WDR90: variants seen among roughly 807,000 people sequenced by gnomAD.
WDR90 encodes the protein WD repeat-containing protein 90.
In WDR90, 238 loss-of-function variants were observed where a neutral mutation model predicts 195.2. That is an observed-to-expected ratio of 1.22 (90% confidence interval 1.10 to 1.36). WDR90 has a LOEUF of 1.36. WDR90 is among the 40% of genes most tolerant of loss of function. The probability of loss-of-function intolerance (pLI) is 0.00; values close to 1 mark genes in which losing one functional copy is unlikely to be tolerated. For missense variants in WDR90, 2,734 were observed against 2,439.5 expected, an observed-to-expected ratio of 1.12 and a Z score of -2.54; for synonymous variants, 1,265 against 1,052.4, an observed-to-expected ratio of 1.20 and a Z score of -3.91.
intron 27 of WDR90, 108 bp from the exon 28 acceptor site, chr16:660,504 C>T (rs973075220): frequency 1.4e-5 from 16 of 1,154,552 alleles, no homozygotes; most frequent in African/African-American, 1.5e-5. Context: ...CCCTGGGTGT[C>T]CTCTGCAGCT....
upstream of WDR90, chr16:649,095 C>G (rs1190074818): frequency 2.5e-5 from 8 of 323,296 alleles, no homozygotes; most frequent in South Asian, 1.5e-4. Flanking sequence ...GCGGGAGCCC[C>G]GGCCGGCCGA....
intron 18 of WDR90, 64 bp downstream of exon 18, chr16:656,601 G>A: frequency 6.3e-7 from 1 of 1,575,010 alleles, no homozygotes; most frequent in Middle Eastern, 1.7e-4. Context: ...GGGTTTGTCA[G>A]CGGGGGTGAG....
chr16:666,431 G>T, intron 37 of WDR90, 24 bp from the exon 38 acceptor site: 1 of 1,608,260 alleles, frequency 6.2e-7, no homozygotes, highest in Non-Finnish European at 8.5e-7. Context: ...GGCACCTGTC[G>T]GCCCTCACCC....
At chr16:650,398 G>A (rs1221460540) in intron 4 of WDR90, 36 bp downstream of exon 4, 2 of 1,597,312 alleles carry the variant, frequency 1.3e-6, no homozygotes, top group Admixed American at 1.7e-5. Context: ...ATCCAGGACA[G>A]GTGGCTGGAG....
Position 658,519 on chromosome 16 carries a change from T to C in WDR90, c.2767-6T>C. ...CACGGCATTTCCCAAGAGCACTGTG[T>C]TCCAGCTGCCCGGTGTCCACCCTGA... On this transcript the variant is annotated splice_polypyrimidine_tract_variant and splice_region_variant and intron_variant, in intron 22 of 40. Coordinates refer to ENST00000293879, the MANE Select transcript of WDR90 (RefSeq NM_145294.5). The C allele has an allele frequency of 6.2e-7, 1 of 1,605,582 alleles. No homozygotes were observed.
chr16:659,507 CAG>C, intron 26 of WDR90, 131 bp downstream of exon 26: 2 of 1,286,744 alleles, frequency 1.6e-6, no homozygotes, highest in Non-Finnish European at 2.1e-6. Context: ...AGGTGGAACA[CAG>C]TGGGGTCGGG....
Position 658,592 on chromosome 16 carries a change from T to C in WDR90, c.2834T>C (p.Ile945Thr), listed in dbSNP as rs1482164199. The change falls in exon 23 of 41, where the codon ATT (isoleucine) becomes ACT (threonine). Residue 945 changes from isoleucine to threonine, a missense_variant. Physicochemically the swap from Ile to Thr is moderately conservative, Grantham distance 89. Transcript: ENST00000293879. ...AGTGAGGACGCCCGCTTCCTGCTGA[T>C]TGCCGCCGGCCGGACCATCAAGGTG... The part of the protein sequence containing the change: ...TLSEDARFLL[I>T]AAGRTIKVWD... 2 of 1,612,722 alleles carry C rather than the reference T, an allele frequency of 1.2e-6. No homozygotes were observed. The highest frequency in any genetic ancestry group is 1.7e-6 in the Non-Finnish European group (2 of 1,179,916).
chr16:662,289 TG>T lies in WDR90; in HGVS notation c.4108del (p.Ala1370LeufsTer5). 1.9e-6 allele frequency: 3 copies of T among 1,581,796 alleles called. No homozygotes were observed. The highest frequency in any genetic ancestry group is 8.6e-7 in the Non-Finnish European group (1 of 1,165,012). On this transcript the variant is annotated frameshift_variant, in exon 33 of 41. Transcript: ENST00000293879. LOFTEE classifies it high-confidence loss of function. ...SSTGRLRLWA[V>X]GAVSELRCKG... ...ACGGGGCGGCTGCGCCTGTGGGCCG[TG>T]GGGGCTGTGTCGGAGCTGAGGTGCA...
At position 649,539 on chromosome 16, in the gene WDR90, C is replaced by T. The variant is rs946766464; in HGVS notation, c.10+113C>T. 4.8e-5 allele frequency: 60 copies of T among 1,244,924 alleles called. No individual in the cohort carries two copies. In the Admixed American group the frequency reaches 8.0e-4, roughly 17 times the overall value. The allele number at this position is 1,244,924 out of a possible 1,614,324, so 77.1% of individuals were successfully genotyped here. A position where few individuals can be genotyped will look rare whatever the true frequency, so the allele number is the denominator to read the frequency against. On this transcript the variant is annotated intron_variant, in intron 1 of 40. Coordinates refer to ENST00000293879, the MANE Select transcript of WDR90 (RefSeq NM_145294.5). ...GCCTAGGCCCTGAGGCCAGAGTCCC[C>T]GCTCAGGCAGGGTCCCGTCTGCCGG...
In WDR90 at chr16:651,810, C is replaced by A. The variant is rs1476807796; in HGVS notation, c.841-17C>A. The A allele has an allele frequency of 6.2e-7, 1 of 1,611,180 alleles. No homozygotes were observed. Among genetic ancestry groups the A allele is most frequent in the Non-Finnish European group, 8.5e-7 (1 of 1,179,586 alleles). ...TGTGATGGCCCAGGACGCTGATGGG[C>A]ACTTGTCCCCCAGCAGTCCGGCCGG... On this transcript the variant is annotated splice_polypyrimidine_tract_variant and intron_variant, in intron 8 of 40. Transcript: ENST00000293879.
intron 23 of WDR90, 71 bp from the exon 24 acceptor site, chr16:658,825 C>A: frequency 6.3e-7 from 1 of 1,588,808 alleles, no homozygotes; most frequent in South Asian, 1.1e-5. Context: ...GCTCACCGTC[C>A]CTGGGGACTG....
chr16:666,022 G>A lies in WDR90; in HGVS notation c.4507G>A (p.Gly1503Ser), dbSNP rs367754596. The change falls in exon 36 of 41, where the codon GGT becomes AGT. Residue 1503 changes from glycine (G) to serine (S), a missense_variant. Gly to Ser is a moderately conservative substitution (Grantham distance 56). Coordinates refer to ENST00000293879, the MANE Select transcript of WDR90 (RefSeq NM_145294.5). ...PEQQRLAAGY[G>S]DGSLRIFSVS... ...GCAGCAGCGGCTAGCGGCTGGCTAC[G>A]GTGACGGCTCCCTGCGCATCTTCAG... 9 of 1,604,078 alleles carry A rather than the reference G, an allele frequency of 5.6e-6. No homozygotes were observed. Among genetic ancestry groups the A allele is most frequent in the South Asian group, 1.1e-5 (1 of 91,078 alleles).
In WDR90 at chr16:666,139, G is replaced by A. The variant is rs547346941; in HGVS notation, c.4609+15G>A. 29 of 1,608,218 alleles carry A rather than the reference G, an allele frequency of 1.8e-5. No individual in the cohort carries two copies. The highest frequency in any genetic ancestry group is 4.5e-5 in the East Asian group (2 of 44,730). Reference sequence around the variant, plus strand: ...CTCCACCGATGGTGAGGAGTTGGGTGTGTTGGGGATGGTGCCGTCCTGACC... The same window carrying A: ...CTCCACCGATGGTGAGGAGTTGGGTATGTTGGGGATGGTGCCGTCCTGACC... On this transcript the variant is annotated intron_variant, in intron 36 of 40. Transcript: ENST00000293879.
rs775261336 is a variant in WDR90, at chr16:655,619, C to T, written c.1765C>T (p.Arg589Cys). 9.9e-6 allele frequency: 16 copies of T among 1,608,972 alleles called. No individual in the cohort carries two copies. The highest frequency in any genetic ancestry group is 4.0e-5 in the African/African-American group (3 of 74,816). The change falls in exon 16 of 41, where the codon CGC becomes TGC. Residue 589 changes from arginine (R) to cysteine (C), a missense_variant. Transcript: ENST00000293879. Reference sequence around the variant, plus strand: ...CCACATCTTGGAGATTGACTGTCAGCGCATGGTCGTGCGGCATGCCCGCCG... The same window carrying T: ...CCACATCTTGGAGATTGACTGTCAGTGCATGGTCGTGCGGCATGCCCGCCG... ...SGHILEIDCQ[R>C]MVVRHARRLL...
rs902894068 is a variant in WDR90 at position 656,357 on chromosome 16, G to A, written c.2022G>A (p.Leu674=). The change falls in exon 18 of 41, where the codon CTG becomes CTA. Residue 674 remains leucine, a synonymous_variant. Transcript: ENST00000293879. ...VCVSPDGLRV[L]SATSSGHLGF... is the part of the protein sequence containing the mutation. ...TCAGCCCCGATGGCCTCCGTGTGCT[G>A]TCTGCCACCTCCTCGGGCCACCTGG... 1 of 1,609,732 alleles carries A rather than the reference G, an allele frequency of 6.2e-7. No homozygotes were observed. The highest frequency in any genetic ancestry group is 8.5e-7 in the Non-Finnish European group (1 of 1,179,772).
At chr16:649,190 G>A (rs2037586278), upstream of WDR90, 1 of 432,746 alleles carries the variant, frequency 2.3e-6, no homozygotes, top group Non-Finnish European at 3.9e-6. Flanking sequence ...TGCCTTGGGA[G>A]GCCCGCGGGG....
At chr16:653,143 T>G (rs2037679149) in intron 10 of WDR90, among the ~76,000 whole-genome samples, 198 bp from the exon 11 acceptor site, 1 of 152,190 alleles carries the variant, frequency 6.6e-6, no homozygotes, top group Non-Finnish European at 1.5e-5. Context: ...TTTTGACACA[T>G]GCAGCCTGTG....
In WDR90 at chr16:655,305, A is replaced by C. The variant is rs1412390893; in HGVS notation, c.1557-2A>C. On this transcript the variant is annotated splice_acceptor_variant, in intron 14 of 40. Coordinates refer to ENST00000293879, the MANE Select transcript of WDR90 (RefSeq NM_145294.5). LOFTEE classifies it high-confidence loss of function. ...GCAGTGCTCAGTCCTCATTCCTTGC[A>C]GGATGGCGTCGTGCGGGCAGGGCAG... 1 of 1,606,914 alleles carries C rather than the reference A, an allele frequency of 6.2e-7. No homozygotes were observed. The highest frequency in any genetic ancestry group is 8.5e-7 in the Non-Finnish European group (1 of 1,179,704).
chr16:664,727 TG>T (rs1233940921), intron 34 of WDR90, among the ~76,000 whole-genome samples: 1 of 151,590 alleles, frequency 6.6e-6, no homozygotes, highest in Non-Finnish European at 1.5e-5. Flanking sequence ...TCGCCCAGGC[TG>T]GAGTGCAGTG....
Sources: allele counts gnomAD v4.1 joint callset (sites outside exome capture counted in the v4.1 genomes callset), GRCh38; gene constraint gnomAD v4.1.1; transcripts MANE v1.5; gene names NCBI Gene and HGNC (gene_info 2026-07-23, HGNC 2026-07-21).